The following CUX1 variants were observed in gnomAD, a reference collection of about 807,000 sequenced individuals.
CUX1 encodes the protein cut like homeobox 1, also known as protein CASP.
A neutral mutation model predicts 158.8 loss-of-function variants in CUX1; 31 were observed. That is an observed-to-expected ratio of 0.20 (90% CI 0.15 to 0.26). CUX1 has a LOEUF of 0.26. CUX1 is among the 10% of genes least tolerant of loss of function. CUX1 has a pLI of 1.00. For missense variants in CUX1, 1,589 were observed against 2,014.6 expected, an observed-to-expected ratio of 0.79 and a Z score of 4.04; for synonymous variants, 879 against 862.1, an observed-to-expected ratio of 1.02 and a Z score of -0.34.
At chr7:101,821,955 C>G (rs2970472) in intron 1 of CUX1, among the ~76,000 whole-genome samples, 1 of 145,676 alleles carries the variant, frequency 6.9e-6, no homozygotes, top group African/African-American at 2.6e-5. Context: ...CCCGGGTTCA[C>G]GCCATTCTCC....
chr7:101,960,890 G>A (rs1236603021), intron 2 of CUX1: 2 of 152,210 alleles, frequency 1.3e-5, no homozygotes, highest in African/African-American at 4.8e-5. Flanking sequence ...CAGTGCCAGT[G>A]CCCTGTGATT....
In CUX1 at chr7:101,974,128, T is replaced by C. The variant is rs1000823779; in HGVS notation, c.142-53970T>C. ...CTCTGTCACCCAGGCTGGAGTGCGG[T>C]GGCACAATCTCACTGCAACGTCCAC... On this transcript the variant is annotated intron_variant, in intron 2 of 23. Transcript: ENST00000292535. 3.3e-5 allele frequency among the ~76,000 whole-genome samples: 5 copies of C among 150,412 alleles called. No individual in the cohort carries two copies. The East Asian group carries it at 9.7e-4, about 29-fold the overall frequency.
intron 23 of CUX1, 149 bp downstream of exon 23, chr7:102,239,733 G>T (rs1477184603): frequency 1.2e-5 from 9 of 759,728 alleles, no homozygotes; most frequent in African/African-American, 7.3e-5. Flanking sequence ...GTCCCTTAGG[G>T]TTTTTTTTTT....
chr7:101,862,039 T>A (rs1433429849), intron 1 of CUX1, among the ~76,000 whole-genome samples: 3 of 152,212 alleles, frequency 2.0e-5, no homozygotes, highest in Non-Finnish European at 4.4e-5. Context: ...TTCACCATGT[T>A]GGCCAGGCTG....
chr7:102,237,091 A>G (rs1384760282), intron 22 of CUX1, among the ~76,000 whole-genome samples: 1 of 152,182 alleles, frequency 6.6e-6, no homozygotes, highest in Non-Finnish European at 1.5e-5. Context: ...ACGGTTGGAC[A>G]ATCCAACTCC....
intron 2 of CUX1, among the ~76,000 whole-genome samples, chr7:101,984,113 TATATATATATATATATACACACAC>T (rs774509963): frequency 0.23 from 15,975 of 70,552 alleles, 2,916 homozygotes; most frequent in Non-Finnish European, 0.3. Context: ...TATATATATA[TATATATATATATATATACACACAC>T]ACATATATAT....
intron 1 of CUX1, among the ~76,000 whole-genome samples, chr7:101,825,294 C>A (rs1294321314): frequency 6.6e-6 from 1 of 152,228 alleles, no homozygotes; most frequent in African/African-American, 2.4e-5. Flanking sequence ...TAGAAACATT[C>A]ATTTACCAGA....
intron 1 of CUX1, among the ~76,000 whole-genome samples, chr7:101,896,985 C>T (rs1369728303): frequency 6.6e-6 from 1 of 152,190 alleles, no homozygotes; most frequent in East Asian, 1.9e-4. Flanking sequence ...AGCAGTGGCC[C>T]CCCTGAGCCT....
chr7:101,930,302 T>C (rs112582496), intron 2 of CUX1, among the ~76,000 whole-genome samples: 40 of 152,316 alleles, frequency 2.6e-4, no homozygotes, highest in Admixed American at 2.0e-3. Context: ...AAGGAACATA[T>C]CGTTATAGCC....
rs549177656 is a variant in CUX1 at position 102,020,960 on chromosome 7, G to A, written c.142-7138G>A. On this transcript the variant is annotated intron_variant, in intron 2 of 23. Coordinates refer to ENST00000292535, the MANE Select transcript of CUX1 (RefSeq NM_181552.4). ...GAGGCAAGAGCGGAGAATTACCCCAGATGAGGGAGATCTGGAACAGAAGGT... is the reference window on the plus strand; with the variant it reads ...GAGGCAAGAGCGGAGAATTACCCCAAATGAGGGAGATCTGGAACAGAAGGT... Among the ~76,000 whole-genome samples the A allele has an allele frequency of 1.7e-3, 254 of 152,010 alleles. 2 individuals carry two copies. Among genetic ancestry groups the A allele is most frequent in the African/African-American group, 5.9e-3 (244 of 41,472 alleles).
At chr7:102,259,184 G>A (rs181724353), downstream of CUX1, among the ~76,000 whole-genome samples, 2 of 152,214 alleles carry the variant, frequency 1.3e-5, no homozygotes, top group Non-Finnish European at 2.9e-5. Flanking sequence ...ACACCCCCCA[G>A]TGCCAGGTGC....
chr7:101,895,360 G>A (rs932914984), intron 1 of CUX1, among the ~76,000 whole-genome samples: 2 of 152,178 alleles, frequency 1.3e-5, no homozygotes, highest in African/African-American at 4.8e-5. Flanking sequence ...TGTAGCCACA[G>A]TTGGATCCCA....
chr7:102,278,064 G>A (rs148760130), exon 18 of CUX1: 105 of 1,604,724 alleles, frequency 6.5e-5, no homozygotes, highest in Middle Eastern at 1.7e-4. Flanking sequence ...TACCCTGGCC[G>A]GGTGAGGGCC....
At chr7:102,026,118 G>A (rs1031914023) in intron 2 of CUX1, among the ~76,000 whole-genome samples, 1 of 151,872 alleles carries the variant, frequency 6.6e-6, no homozygotes, top group African/African-American at 2.4e-5. Context: ...AGTTGAGGCT[G>A]CAGTGAGCTA....
Position 102,171,507 on chromosome 7 carries a change from G to A in CUX1, c.828+957G>A, listed in dbSNP as rs181146333. Among the ~76,000 whole-genome samples the A allele has an allele frequency of 3.4e-3, 512 of 150,782 alleles. 6 individuals are homozygous for A. The highest frequency in any genetic ancestry group is 2.8e-3 in the Non-Finnish European group (192 of 67,758). On this transcript the variant is annotated intron_variant, in intron 10 of 23. Coordinates refer to ENST00000292535, the MANE Select transcript of CUX1 (RefSeq NM_181552.4). ...CTGTTGCCCAGGCTGGAGTGCAGTG[G>A]CGCAGTCTTGGCTCACTGCAGCCTC...
chr7:101,830,256 C>T (rs1793834537), intron 1 of CUX1, among the ~76,000 whole-genome samples: 1 of 152,212 alleles, frequency 6.6e-6, no homozygotes, highest in South Asian at 2.1e-4. Context: ...GGGCAGCACC[C>T]ACCACGCAGG....
Position 101,856,945 on chromosome 7 carries a change from G to A in CUX1, c.30+39276G>A, listed in dbSNP as rs952135228. ...CCTCCCTCCGCGGTCATGCAGCCAC[G>A]CCTCTGCTCAAGCTGTGCCTCCTCC... On this transcript the variant is annotated intron_variant, in intron 1 of 23. Transcript: ENST00000292535. Among the ~76,000 whole-genome samples the A allele has an allele frequency of 6.6e-5, 10 of 152,152 alleles. No homozygotes were observed. In the South Asian group the frequency reaches 1.7e-3, roughly 25 times the overall value.
chr7:102,226,323 G>A (rs1554528580), intron 20 of CUX1, among the ~76,000 whole-genome samples: 1 of 152,210 alleles, frequency 6.6e-6, no homozygotes, highest in African/African-American at 2.4e-5. Context: ...TCCCAAGGTT[G>A]GAGGTAGAAC....
Position 102,202,320 on chromosome 7 carries a change from G to A in CUX1, c.2907+116G>A, listed in dbSNP as rs995884211. ...ATTTCAATTCACCCAAGAGCAGAGC[G>A]TAAGGCATCCTCTGCTCCCAGACTT... is the stretch of plus-strand genomic sequence containing the variant. On this transcript the variant is annotated intron_variant, in intron 18 of 23. Coordinates refer to ENST00000292535, the MANE Select transcript of CUX1 (RefSeq NM_181552.4). 47 of 1,366,816 alleles carry A rather than the reference G, an allele frequency of 3.4e-5. No individual in the cohort carries two copies. In the East Asian group the frequency reaches 8.0e-4, roughly 23 times the overall value. 84.7% of individuals were successfully genotyped at this position (1,366,816 alleles called of 1,614,324 possible).
Sources: allele counts gnomAD v4.1 joint callset (sites outside exome capture counted in the v4.1 genomes callset), GRCh38; gene constraint gnomAD v4.1.1; transcripts MANE v1.5; gene names NCBI Gene and HGNC (gene_info 2026-07-23, HGNC 2026-07-21).